COX7B2: variants seen among roughly 807,000 people sequenced by gnomAD.
The protein encoded by COX7B2 is cytochrome c oxidase subunit 7B2, mitochondrial.
For missense variants in COX7B2, 109 were observed against 95.9 expected (o/e 1.14, Z -0.57); for synonymous variants, 37 against 32.1 (o/e 1.15, Z -0.51).
At chr4:46,784,769 G>T (rs1178565656) in intron 2 of COX7B2, among the ~76,000 whole-genome samples, 2 of 152,156 alleles carry the variant, frequency 1.3e-5, no homozygotes, top group African/African-American at 4.8e-5. Flanking sequence ...TGACTTAATT[G>T]TTGTCTTATG....
At chr4:46,743,195 A>T (rs1008176451) in intron 2 of COX7B2, among the ~76,000 whole-genome samples, 3 of 152,174 alleles carry the variant, frequency 2.0e-5, no homozygotes, top group Non-Finnish European at 4.4e-5. Flanking sequence ...CTCAAAGTGG[A>T]TGTCTATGTT....
chr4:46,878,830 G>C (rs954942588), intron 1 of COX7B2, among the ~76,000 whole-genome samples: 1 of 152,130 alleles, frequency 6.6e-6, no homozygotes, highest in African/African-American at 2.4e-5. Context: ...TGACTCAGAG[G>C]CTTCCTACAT....
At chr4:46,880,374 A>C (rs1185396429) in intron 1 of COX7B2, among the ~76,000 whole-genome samples, 1 of 144,984 alleles carries the variant, frequency 6.9e-6, no homozygotes, top group African/African-American at 2.6e-5. Flanking sequence ...TCTATAATAC[A>C]TCCGGTAGAA....
chr4:46,887,678 T>G (rs1577700362), intron 1 of COX7B2, among the ~76,000 whole-genome samples: 1 of 130,372 alleles, frequency 7.7e-6, no homozygotes, highest in South Asian at 2.4e-4. Context: ...GCAACTGCAC[T>G]CCAGCCTGGG....
chr4:46,831,532 A>G (rs960611472), intron 2 of COX7B2, among the ~76,000 whole-genome samples: 1 of 152,206 alleles, frequency 6.6e-6, no homozygotes, highest in African/African-American at 2.4e-5. Flanking sequence ...GGGGACTTGG[A>G]GAACCTTTAT....
intron 2 of COX7B2, among the ~76,000 whole-genome samples, chr4:46,764,390 C>T (rs1000844476): frequency 2.0e-5 from 3 of 151,696 alleles, no homozygotes; most frequent in Non-Finnish European, 4.4e-5. Context: ...ACTAAAAATA[C>T]AAAAATTAGC....
At chr4:46,859,956 T>C (rs914604792) in intron 1 of COX7B2, among the ~76,000 whole-genome samples, 53 of 152,328 alleles carry the variant, frequency 3.5e-4, no homozygotes, top group African/African-American at 1.2e-3. Flanking sequence ...TACTCTTCTG[T>C]ACACTGCCGC....
At chr4:46,860,043 A>C (rs1188710178) in intron 1 of COX7B2, among the ~76,000 whole-genome samples, 2 of 152,164 alleles carry the variant, frequency 1.3e-5, no homozygotes, top group Non-Finnish European at 2.9e-5. Flanking sequence ...TACTCCCTGG[A>C]TGAGCCCAAA....
At chr4:46,817,374 A>C (rs568948099) in intron 2 of COX7B2, among the ~76,000 whole-genome samples, 1 of 152,200 alleles carries the variant, frequency 6.6e-6, no homozygotes, top group East Asian at 1.9e-4. Context: ...TCAGGATATA[A>C]ATGTAGCTAC....
At chr4:46,776,925 T>C (rs996839398) in intron 2 of COX7B2, among the ~76,000 whole-genome samples, 3 of 152,180 alleles carry the variant, frequency 2.0e-5, no homozygotes, top group African/African-American at 7.2e-5. Flanking sequence ...TTTACCTATG[T>C]GGCAAAACAT....
chr4:46,831,679 G>A (rs967951210), intron 2 of COX7B2, among the ~76,000 whole-genome samples: 1 of 152,230 alleles, frequency 6.6e-6, no homozygotes, highest in South Asian at 2.1e-4. Context: ...TAATCTGGAG[G>A]GGACTTGGAG....
intron 2 of COX7B2, among the ~76,000 whole-genome samples, chr4:46,810,141 G>A (rs1267786012): frequency 6.6e-6 from 1 of 151,764 alleles, no homozygotes; most frequent in African/African-American, 2.4e-5. Context: ...AGCTTGAGTG[G>A]GTCTCTTTCA....
intron 2 of COX7B2, among the ~76,000 whole-genome samples, chr4:46,760,206 G>C (rs1314213835): frequency 6.6e-6 from 1 of 152,010 alleles, no homozygotes; most frequent in Non-Finnish European, 1.5e-5. Flanking sequence ...TCCATTAGTG[G>C]ATATATACCC....
chr4:46,773,426 A>T (rs1716987255), intron 2 of COX7B2, among the ~76,000 whole-genome samples: 1 of 152,122 alleles, frequency 6.6e-6, no homozygotes, highest in South Asian at 2.1e-4. Context: ...CCCCTTCTGC[A>T]TGACTGTAAA....
chr4:46,835,403 A>T (rs1037086102), intron 2 of COX7B2, among the ~76,000 whole-genome samples: 9 of 152,012 alleles, frequency 5.9e-5, no homozygotes, highest in Non-Finnish European at 1.3e-4. Context: ...AAAAAAATGC[A>T]GTAACTGTTA....
At chr4:46,783,309 T>G (rs993074955) in intron 2 of COX7B2, among the ~76,000 whole-genome samples, 2 of 152,210 alleles carry the variant, frequency 1.3e-5, no homozygotes, top group African/African-American at 4.8e-5. Context: ...TGCTCACTTT[T>G]GTAAAATGGA....
At chr4:46,765,069 A>G (rs1716444666) in intron 2 of COX7B2, among the ~76,000 whole-genome samples, 1 of 152,012 alleles carries the variant, frequency 6.6e-6, no homozygotes, top group African/African-American at 2.4e-5. Flanking sequence ...GCAGAAGTGC[A>G]GAAGTGATGT....
intron 1 of COX7B2, among the ~76,000 whole-genome samples, chr4:46,877,245 T>C (rs909827863): frequency 2.0e-5 from 3 of 152,160 alleles, no homozygotes; most frequent in South Asian, 2.1e-4. Context: ...TGAGGAAACA[T>C]AGTGCTAGCT....
At chr4:46,830,850 T>A (rs989743853) in intron 2 of COX7B2, among the ~76,000 whole-genome samples, 1 of 152,212 alleles carries the variant, frequency 6.6e-6, no homozygotes, top group African/African-American at 2.4e-5. Flanking sequence ...AGGCAAAGTA[T>A]GGAGAAAGTG....
Sources: gnomAD v4.1 joint callset for allele counts (sites outside exome capture counted in the v4.1 genomes callset) on GRCh38, gnomAD v4.1.1 for gene constraint, MANE v1.5 for transcripts, NCBI Gene and HGNC (gene_info 2026-07-23, HGNC 2026-07-21) for gene names.